The following SLC22A25 variants were observed in gnomAD, a reference collection of about 807,000 sequenced individuals.
The protein encoded by SLC22A25 is solute carrier family 22 member 25, also known as MGI:2442751, MGI:2385316, MGI:3042283, MGI:3645714, MGI:3605624, MGI:2442750.
A neutral mutation model predicts 45.9 loss-of-function variants in SLC22A25; 44 were observed. The observed-to-expected ratio is 0.96, with a 90% CI of 0.75 to 1.23. The LOEUF (loss-of-function observed/expected upper bound fraction) is 1.23. Among genes scored for constraint, SLC22A25 ranks in the 50% most tolerant of loss-of-function variants. The pLI is 0.00. For synonymous variants in SLC22A25, 283 were observed against 238.6 expected, an observed-to-expected ratio of 1.19 and a Z score of -1.72; for missense variants, 800 against 666.4, an observed-to-expected ratio of 1.20 and a Z score of -2.21.
At chr11:63,178,497 A>G (rs1471863688) in intron 9 of SLC22A25, among the ~76,000 whole-genome samples, 1 of 149,052 alleles carries the variant, frequency 6.7e-6, no homozygotes, top group Non-Finnish European at 1.5e-5. Flanking sequence ...TGTCTTTTTG[A>G]TAATATTTTA....
intron 3 of SLC22A25, among the ~76,000 whole-genome samples, chr11:63,233,365 C>G (rs761747681): frequency 6.6e-6 from 1 of 151,814 alleles, no homozygotes; most frequent in East Asian, 1.9e-4. Flanking sequence ...TAGTCTTGGG[C>G]GGGTGTATGT....
chr11:63,197,270 G>A (rs1026086945), intron 7 of SLC22A25, among the ~76,000 whole-genome samples: 1 of 152,094 alleles, frequency 6.6e-6, no homozygotes, highest in African/African-American at 2.4e-5. Flanking sequence ...AAGCTCATAT[G>A]GAACCAAAAA....
intron 7 of SLC22A25, among the ~76,000 whole-genome samples, chr11:63,216,651 A>G (rs1416117918): frequency 6.6e-6 from 1 of 152,140 alleles, no homozygotes; most frequent in Non-Finnish European, 1.5e-5. Flanking sequence ...ACATGTTCCC[A>G]TTTATAAGTG....
intron 7 of SLC22A25, among the ~76,000 whole-genome samples, chr11:63,212,584 A>G (rs933935699): frequency 1.6e-4 from 24 of 150,380 alleles, no homozygotes; most frequent in Non-Finnish European, 2.8e-4. Flanking sequence ...ACCAAACACC[A>G]CATGTTCTCA....
intron 5 of SLC22A25, among the ~76,000 whole-genome samples, chr11:63,221,275 C>T (rs1424140424): frequency 6.6e-6 from 1 of 152,156 alleles, no homozygotes; most frequent in Non-Finnish European, 1.5e-5. Context: ...TCTCCACATC[C>T]TCACCAGCAT....
Position 63,162,990 on chromosome 11 carries a change from C to T in SLC22A25, c.*834G>A, listed in dbSNP as rs1298266063. 6.6e-6 allele frequency among the ~76,000 whole-genome samples: 1 copy of T among 152,108 alleles called. No homozygotes were observed. The highest frequency in any genetic ancestry group is 1.5e-5 in the Non-Finnish European group (1 of 68,010). ...CCTGGTGCAAATATAATGAAACCAA[C>T]AAACAAAAAAGCTCAAAAATGAAAG... On this transcript the variant is annotated 3_prime_UTR_variant, in exon 12 of 12. Coordinates refer to ENST00000306494, the MANE Select transcript of SLC22A25 (RefSeq NM_199352.6).
At chr11:63,173,336 TAACA>T (rs2087961264) in intron 9 of SLC22A25, among the ~76,000 whole-genome samples, 1 of 152,178 alleles carries the variant, frequency 6.6e-6, no homozygotes, top group Admixed American at 6.6e-5. Flanking sequence ...TATACCAATG[TAACA>T]AACCTGTATG....
At chr11:63,228,397 T>C in intron 5 of SLC22A25, 64 bp downstream of exon 5, 1 of 1,302,948 alleles carries the variant, frequency 7.7e-7, no homozygotes, top group Non-Finnish European at 1.1e-6. Flanking sequence ...TATTTCTAGA[T>C]GAAAAGTGTT....
At chr11:63,240,317 A>G (rs2090227610) in intron 1 of SLC22A25, among the ~76,000 whole-genome samples, 1 of 152,108 alleles carries the variant, frequency 6.6e-6, no homozygotes, top group African/African-American at 2.4e-5. Flanking sequence ...ACTTTTGGGG[A>G]TCTGGAAGTT....
At chr11:63,241,923 A>G (rs1361441757) in intron 1 of SLC22A25, among the ~76,000 whole-genome samples, 2 of 152,194 alleles carry the variant, frequency 1.3e-5, no homozygotes, top group African/African-American at 2.4e-5. Flanking sequence ...CTCTCTAAAG[A>G]TGGTTAAGGA....
intron 3 of SLC22A25, among the ~76,000 whole-genome samples, chr11:63,230,567 A>T (rs1383614845): frequency 1.3e-5 from 2 of 152,222 alleles, no homozygotes; most frequent in African/African-American, 4.8e-5. Context: ...TTGCACCTTG[A>T]TTAGGACTAA....
intron 3 of SLC22A25, among the ~76,000 whole-genome samples, chr11:63,234,140 A>G (rs1427433584): frequency 2.0e-5 from 3 of 152,158 alleles, no homozygotes; most frequent in African/African-American, 4.8e-5. Flanking sequence ...AGTTCTGTAG[A>G]TGTCTATTAG....
Position 63,166,174 on chromosome 11 carries a change from A to G in SLC22A25, c.1155T>C (p.Phe385=), listed in dbSNP as rs573689151. Reference sequence around the variant, plus strand: ...AATTGGCCAGGAGGGTGACTGCACCAAAGAGAGTCTGCAACAGGAAAACAT... The same window carrying G: ...AATTGGCCAGGAGGGTGACTGCACCGAAGAGAGTCTGCAACAGGAAAACAT... The part of the protein sequence containing the change: ...GNNVFLLQTL[F]GAVTLLANCV... Residue 385 remains phenylalanine (F), a synonymous_variant, in exon 10 of 12, where the codon TTT becomes TTC. Coordinates refer to ENST00000306494, the MANE Select transcript of SLC22A25 (RefSeq NM_199352.6). 1 of 1,614,048 alleles carries G rather than the reference A, an allele frequency of 6.2e-7. No homozygotes were observed. Among genetic ancestry groups the G allele is most frequent in the East Asian group, 2.2e-5 (1 of 44,854 alleles).
At chr11:63,243,281 A>G (rs368272972) in intron 1 of SLC22A25, 153 bp downstream of exon 1, 2 of 408,010 alleles carry the variant, frequency 4.9e-6, no homozygotes, top group East Asian at 5.1e-5. Context: ...GATGGTGGCC[A>G]TTTGATTGGT....
chr11:63,213,698 C>T (rs1226140063), intron 7 of SLC22A25, among the ~76,000 whole-genome samples: 1 of 152,118 alleles, frequency 6.6e-6, no homozygotes, highest in African/African-American at 2.4e-5. Flanking sequence ...TGGAGAAACC[C>T]GATTGGAAGG....
In SLC22A25 at chr11:63,189,835, T is replaced by C. The variant is rs531244987; in HGVS notation, c.831-6018A>G. 2.6e-5 allele frequency among the ~76,000 whole-genome samples: 4 copies of C among 152,358 alleles called. No individual in the cohort carries two copies. In the East Asian group the frequency reaches 7.7e-4, roughly 29 times the overall value. On this transcript the variant is annotated intron_variant, in intron 7 of 11. Coordinates refer to ENST00000306494, the MANE Select transcript of SLC22A25 (RefSeq NM_199352.6). ...GTTTGGCTGGATATGAAATTCTGGG[T>C]TGAAAATTCTTTTCTTTAAGAACGT...
chr11:63,224,693 T>TGAAAAACAAACAGGC (rs2089921127), intron 5 of SLC22A25, among the ~76,000 whole-genome samples: 1 of 152,238 alleles, frequency 6.6e-6, no homozygotes, highest in African/African-American at 2.4e-5. Context: ...TGCATAAACA[T>TGAAAAACAAACAGGC]GAAAAACAAA....
intron 7 of SLC22A25, among the ~76,000 whole-genome samples, chr11:63,190,058 G>A (rs974757871): frequency 9.7e-4 from 147 of 152,072 alleles, no homozygotes; most frequent in African/African-American, 2.8e-3. Context: ...TCTTTGTGGT[G>A]TTCTCTGTAT....
intron 9 of SLC22A25, among the ~76,000 whole-genome samples, chr11:63,175,772 G>T (rs1231144601): frequency 2.0e-5 from 3 of 151,648 alleles, no homozygotes; most frequent in African/African-American, 7.3e-5. Flanking sequence ...GTTGATTTTT[G>T]TGTGTGCTAT....
Sources: gnomAD v4.1 joint callset for allele counts (sites outside exome capture counted in the v4.1 genomes callset) on GRCh38, gnomAD v4.1.1 for gene constraint, MANE v1.5 for transcripts, NCBI Gene and HGNC (gene_info 2026-07-23, HGNC 2026-07-21) for gene names.